Variants in EDIL3 observed in about 807,000 individuals in gnomAD.
EDIL3 encodes the protein EGF-like repeat and discoidin I-like domain-containing protein 3.
In EDIL3, 37 loss-of-function variants were observed where a neutral mutation model predicts 67.4. The observed-to-expected ratio is 0.55, with a 90% confidence interval of 0.42 to 0.72. The LOEUF (loss-of-function observed/expected upper bound fraction) is 0.72, where lower values mean the gene tolerates loss of function less well. Among genes scored for constraint, EDIL3 ranks in the 30% least tolerant of loss-of-function variants. The probability of loss-of-function intolerance (pLI) is 0.00; values close to 1 mark genes in which losing one functional copy is unlikely to be tolerated. For synonymous variants in EDIL3, 195 were observed against 196.3 expected (o/e 0.99, Z 0.05); for missense variants, 527 against 586.3 (o/e 0.90, Z 1.04).
chr5:84,136,485 T>C (rs1408916815), intron 5 of EDIL3, among the ~76,000 whole-genome samples: 2 of 152,144 alleles, frequency 1.3e-5, no homozygotes, highest in African/African-American at 4.8e-5. Context: ...TTTTTTTCTT[T>C]TTTAGGTAAG....
chr5:84,180,777 T>TA (rs1749000580), intron 3 of EDIL3, among the ~76,000 whole-genome samples: 1 of 152,132 alleles, frequency 6.6e-6, no homozygotes, highest in Non-Finnish European at 1.5e-5. Flanking sequence ...ATGTCAATAC[T>TA]AAAAAATTTG....
chr5:84,321,625 C>T (rs1377622580), intron 1 of EDIL3, among the ~76,000 whole-genome samples: 1 of 152,154 alleles, frequency 6.6e-6, no homozygotes, highest in Admixed American at 6.5e-5. Context: ...ATTAGAAGAG[C>T]AGCTTGCACA....
intron 4 of EDIL3, 51 bp downstream of exon 4, chr5:84,180,342 T>C (rs1171665816): frequency 3.9e-6 from 6 of 1,523,052 alleles, no homozygotes; most frequent in Non-Finnish European, 5.3e-6. Context: ...TGATGGCTTG[T>C]ATACTTTGTA....
chr5:84,097,408 T>C (rs1484570615), intron 6 of EDIL3, among the ~76,000 whole-genome samples: 1 of 152,238 alleles, frequency 6.6e-6, no homozygotes. Context: ...GAAATTTCTT[T>C]CCTTGTATTA....
chr5:84,303,958 C>T (rs1228587649), intron 1 of EDIL3, among the ~76,000 whole-genome samples: 1 of 151,718 alleles, frequency 6.6e-6, no homozygotes, highest in African/African-American at 2.4e-5. Flanking sequence ...CTTTTCCATT[C>T]TACAATATAT....
At chr5:83,956,708 A>G (rs1340522778) in intron 10 of EDIL3, among the ~76,000 whole-genome samples, 4 of 151,698 alleles carry the variant, frequency 2.6e-5, no homozygotes, top group Non-Finnish European at 4.4e-5. Context: ...ATAATATTAA[A>G]TTACAAGTAG....
rs1745135210 is a variant in EDIL3 at position 83,990,716 on chromosome 5, C to T, written c.1138-27356G>A. On this transcript the variant is annotated intron_variant, in intron 9 of 10. Transcript: ENST00000296591. ...CCCAACATGGTGAAACCCATCTCTA[C>T]TGAAAATACGAAAATTAGCTGGGCA... Among the ~76,000 whole-genome samples, 3 of 151,620 alleles carry T rather than the reference C, an allele frequency of 2.0e-5. No individual in the cohort carries two copies. In the South Asian group the frequency reaches 6.2e-4, roughly 31 times the overall value.
At chr5:84,066,998 A>C (rs1028501982) in intron 6 of EDIL3, among the ~76,000 whole-genome samples, 1 of 152,340 alleles carries the variant, frequency 6.6e-6, no homozygotes, top group Non-Finnish European at 1.5e-5. Context: ...ATTAATGTGT[A>C]TAAACTGATT....
At chr5:84,324,379 G>A (rs1470502931) in intron 1 of EDIL3, among the ~76,000 whole-genome samples, 9 of 151,700 alleles carry the variant, frequency 5.9e-5, no homozygotes, top group South Asian at 2.1e-4. Context: ...GAATAAAAAC[G>A]AAATCACACA....
intron 1 of EDIL3, among the ~76,000 whole-genome samples, chr5:84,329,086 T>C (rs1746821768): frequency 6.6e-6 from 1 of 152,150 alleles, no homozygotes; most frequent in Non-Finnish European, 1.5e-5. Context: ...TTATAATAAA[T>C]GCAAAAGTGT....
At position 84,071,832 on chromosome 5, in the gene EDIL3, TATA is replaced by T. The variant is rs368801591; in HGVS notation, c.652-5229_652-5227del. Among the ~76,000 whole-genome samples the T allele has an allele frequency of 6.8e-3, 1,029 of 152,178 alleles. 15 individuals are homozygous for T. The highest frequency in any genetic ancestry group is 0.024 in the African/African-American group (996 of 41,540). On this transcript the variant is annotated intron_variant, in intron 6 of 10. Coordinates refer to ENST00000296591, the MANE Select transcript of EDIL3 (RefSeq NM_005711.5). ...TACACCAGCAATTATCGACTGAAAA[TATA>T]ATCAAAATAGTGTGATACCGGCACA...
chr5:84,000,365 T>C (rs945198490), intron 9 of EDIL3, among the ~76,000 whole-genome samples: 1 of 152,080 alleles, frequency 6.6e-6, no homozygotes, highest in Non-Finnish European at 1.5e-5. Flanking sequence ...TTAGACAGCA[T>C]AATAAAATAT....
At chr5:84,208,964 T>G (rs974781799) in intron 3 of EDIL3, among the ~76,000 whole-genome samples, 1 of 152,118 alleles carries the variant, frequency 6.6e-6, no homozygotes, top group African/African-American at 2.4e-5. Context: ...AGCAAAGACT[T>G]GGAACCAACG....
intron 9 of EDIL3, among the ~76,000 whole-genome samples, chr5:83,979,583 C>A (rs1744930629): frequency 6.6e-6 from 1 of 151,924 alleles, no homozygotes; most frequent in Non-Finnish European, 1.5e-5. Flanking sequence ...TTGGAAAAAT[C>A]TCAAAAATAT....
At chr5:84,101,511 A>G (rs1452851179) in intron 6 of EDIL3, among the ~76,000 whole-genome samples, 1 of 152,100 alleles carries the variant, frequency 6.6e-6, no homozygotes, top group Non-Finnish European at 1.5e-5. Flanking sequence ...CAAAAGAGAT[A>G]CTACTAATAA....
chr5:83,997,197 G>T (rs1018312790), intron 9 of EDIL3, among the ~76,000 whole-genome samples: 1 of 152,190 alleles, frequency 6.6e-6, no homozygotes, highest in East Asian at 1.9e-4. Flanking sequence ...ATATTAAGCA[G>T]TTGGACTTTC....
chr5:83,962,663 CGG>C (rs1744624679), intron 10 of EDIL3, among the ~76,000 whole-genome samples: 1 of 151,052 alleles, frequency 6.6e-6, no homozygotes, highest in East Asian at 2.0e-4. Context: ...ATGAAGGAAA[CGG>C]AGCAGAAAAA....
At chr5:84,134,128 G>C (rs1462176082) in intron 5 of EDIL3, among the ~76,000 whole-genome samples, 1 of 151,992 alleles carries the variant, frequency 6.6e-6, no homozygotes, top group Non-Finnish European at 1.5e-5. Flanking sequence ...TCCTTACAAA[G>C]TAAAGGTGCT....
chr5:84,246,375 C>T (rs1744909874), intron 2 of EDIL3, among the ~76,000 whole-genome samples: 1 of 152,202 alleles, frequency 6.6e-6, no homozygotes, highest in African/African-American at 2.4e-5. Flanking sequence ...CTATCCAGCG[C>T]CAGCTGACTG....
Sources: gnomAD v4.1 joint callset for allele counts (sites outside exome capture counted in the v4.1 genomes callset) on GRCh38, gnomAD v4.1.1 for gene constraint, MANE v1.5 for transcripts, NCBI Gene and HGNC (gene_info 2026-07-23, HGNC 2026-07-21) for gene names.